TMEM163: variants seen among roughly 807,000 people sequenced by gnomAD.
TMEM163 encodes transmembrane protein 163.
In TMEM163, 17 loss-of-function variants were observed where a neutral mutation model predicts 29.3. The ratio of observed to expected loss-of-function variants is 0.58; its 90% CI spans 0.40 to 0.87. TMEM163 has a LOEUF of 0.87. Ranked by LOEUF, TMEM163 falls within the 40% of genes least tolerant of loss-of-function variation. The pLI, the probability that TMEM163 is intolerant of heterozygous loss-of-function variation, is 0.00. For missense variants in TMEM163, 303 were observed against 381.5 expected, an observed-to-expected ratio of 0.79 and a Z score of 1.71; for synonymous variants, 157 against 160.6, an observed-to-expected ratio of 0.98 and a Z score of 0.17.
At chr2:134,694,160 A>ACTAT (rs1684531840) in intron 2 of TMEM163, among the ~76,000 whole-genome samples, 1 of 152,208 alleles carries the variant, frequency 6.6e-6, no homozygotes, top group Admixed American at 6.5e-5. Context: ...TGCCCAGCAT[A>ACTAT]CTATGTGCTT....
At chr2:134,509,243 C>A (rs1679893660) in intron 4 of TMEM163, among the ~76,000 whole-genome samples, 1 of 152,186 alleles carries the variant, frequency 6.6e-6, no homozygotes, top group Non-Finnish European at 1.5e-5. Flanking sequence ...ATTTTAATTT[C>A]TTTTAATTAA....
intron 4 of TMEM163, among the ~76,000 whole-genome samples, chr2:134,512,729 A>C (rs1679977394): frequency 6.6e-6 from 1 of 152,202 alleles, no homozygotes; most frequent in Admixed American, 6.5e-5. Flanking sequence ...AAGAGGGAGA[A>C]TGGTGAAGGC....
chr2:134,675,112 G>A (rs1412506563), intron 2 of TMEM163, among the ~76,000 whole-genome samples: 1 of 152,138 alleles, frequency 6.6e-6, no homozygotes, highest in Non-Finnish European at 1.5e-5. Context: ...TACTTTTTAT[G>A]TACTGATTGA....
intron 2 of TMEM163, among the ~76,000 whole-genome samples, chr2:134,671,667 C>A (rs1433193706): frequency 6.6e-6 from 1 of 152,236 alleles, no homozygotes; most frequent in Non-Finnish European, 1.5e-5. Context: ...TCCCCACCCC[C>A]TGGAAAGACA....
At chr2:134,501,537 G>C (rs116182508) in intron 5 of TMEM163, among the ~76,000 whole-genome samples, 1 of 152,194 alleles carries the variant, frequency 6.6e-6, no homozygotes, top group Non-Finnish European at 1.5e-5. Flanking sequence ...CAGAGTGGAG[G>C]CATATTTGCA....
intron 2 of TMEM163, among the ~76,000 whole-genome samples, chr2:134,698,870 C>T (rs1329991907): frequency 1.3e-5 from 2 of 152,194 alleles, no homozygotes; most frequent in African/African-American, 2.4e-5. Flanking sequence ...TGAGAATTCG[C>T]TTGCATATGA....
Position 134,605,045 on chromosome 2 carries a change from G to T in TMEM163, c.323-52954C>A, listed in dbSNP as rs916742495. On this transcript the variant is annotated intron_variant, in intron 2 of 7. Transcript: ENST00000281924. The stretch of plus-strand genomic sequence containing the variant: ...ATATACAAAATTAGCTGGGCATGGT[G>T]GCGCATCTGTAATCTGAACTACTTG... Among the ~76,000 whole-genome samples the T allele has an allele frequency of 7.2e-5, 11 of 152,036 alleles. No individual in the cohort carries two copies. The East Asian group carries it at 2.1e-3, about 29-fold the overall frequency.
intron 2 of TMEM163, among the ~76,000 whole-genome samples, chr2:134,628,626 G>C (rs1682903120): frequency 6.6e-6 from 1 of 152,226 alleles, no homozygotes. Flanking sequence ...CTGCCTAGTA[G>C]CACTTTGCAT....
intron 6 of TMEM163, 33 bp downstream of exon 6, chr2:134,466,081 C>G (rs754294222): frequency 3.5e-5 from 53 of 1,514,286 alleles, no homozygotes; most frequent in Middle Eastern, 1.7e-4. Context: ...GTGAGCCCAG[C>G]CCCCAGAGAT....
chr2:134,700,942 A>ATAAATAAATAATTAAATAAT (rs61311028), intron 2 of TMEM163, among the ~76,000 whole-genome samples: 1 of 119,304 alleles, frequency 8.4e-6, no homozygotes, highest in African/African-American at 3.4e-5. Flanking sequence ...AAATAAATAA[A>ATAAATAAATAATTAAATAAT]TAAATAAAGT....
chr2:134,705,680 G>A (rs1372198464), intron 2 of TMEM163, among the ~76,000 whole-genome samples: 1 of 152,212 alleles, frequency 6.6e-6, no homozygotes, highest in Non-Finnish European at 1.5e-5. Context: ...GTCACGTCTT[G>A]TCCAAGAAGA....
intron 4 of TMEM163, among the ~76,000 whole-genome samples, chr2:134,541,008 A>G (rs796841560): frequency 7.2e-5 from 11 of 152,362 alleles, no homozygotes; most frequent in African/African-American, 2.6e-4. Context: ...ATAGACCAGT[A>G]CATTAATTAA....
intron 2 of TMEM163, among the ~76,000 whole-genome samples, chr2:134,620,904 T>C (rs556248564): frequency 1.3e-5 from 2 of 152,286 alleles, no homozygotes; most frequent in East Asian, 1.9e-4. Flanking sequence ...AAAATCATCA[T>C]GACCTTGGAT....
At chr2:134,581,103 G>C (rs915445413) in intron 2 of TMEM163, among the ~76,000 whole-genome samples, 1 of 152,154 alleles carries the variant, frequency 6.6e-6, no homozygotes, top group African/African-American at 2.4e-5. Flanking sequence ...CAGGGCAGGA[G>C]GGCACTGAAG....
chr2:134,699,537 T>C (rs1480242575), intron 2 of TMEM163, among the ~76,000 whole-genome samples: 2 of 152,008 alleles, frequency 1.3e-5, no homozygotes, highest in Non-Finnish European at 2.9e-5. Context: ...TATGATGACA[T>C]AGAGTATATA....
At chr2:134,548,646 A>G (rs560502269) in intron 4 of TMEM163, among the ~76,000 whole-genome samples, 2 of 151,920 alleles carry the variant, frequency 1.3e-5, no homozygotes, top group East Asian at 3.9e-4. Flanking sequence ...CTTTATCCAA[A>G]ATGCTTAGGA....
chr2:134,465,329 G>T (rs899129732), intron 6 of TMEM163, among the ~76,000 whole-genome samples: 2 of 150,908 alleles, frequency 1.3e-5, no homozygotes, highest in Non-Finnish European at 2.9e-5. Flanking sequence ...TTTTAAAAAA[G>T]AATCCACATA....
intron 2 of TMEM163, among the ~76,000 whole-genome samples, chr2:134,684,587 AG>A (rs1021251470): frequency 2.0e-5 from 3 of 152,184 alleles, no homozygotes; most frequent in Admixed American, 2.0e-4. Flanking sequence ...GCACAAGAAT[AG>A]GATGGAGCCC....
intron 2 of TMEM163, among the ~76,000 whole-genome samples, chr2:134,646,091 C>CTT (rs748578299): frequency 7.1e-6 from 1 of 140,268 alleles, no homozygotes; most frequent in Non-Finnish European, 1.6e-5. Context: ...TGCGGAATGG[C>CTT]TTTTTTTTTT....
Sources: allele counts gnomAD v4.1 joint callset (sites outside exome capture counted in the v4.1 genomes callset), GRCh38; gene constraint gnomAD v4.1.1; transcripts MANE v1.5; gene names NCBI Gene and HGNC (gene_info 2026-07-23, HGNC 2026-07-21).